IST1: variants seen among roughly 807,000 people sequenced by gnomAD.
IST1 encodes IST1 factor associated with ESCRT-III.
In IST1, 23 loss-of-function variants were observed where a neutral mutation model predicts 37.0. The ratio of observed to expected loss-of-function variants is 0.62; its 90% CI spans 0.45 to 0.88. The LOEUF (loss-of-function observed/expected upper bound fraction) is 0.88, where lower values mean the gene tolerates loss of function less well. Ranked by LOEUF, IST1 falls within the 40% of genes least tolerant of loss-of-function variation. IST1 has a pLI of 0.00. For missense variants in IST1, 488 were observed against 445.4 expected (o/e 1.10, Z -0.86); for synonymous variants, 180 against 161.7 (o/e 1.11, Z -0.86).
chr16:71,900,323 A>T (rs542085336), intron 1 of IST1, among the ~76,000 whole-genome samples: 1 of 141,466 alleles, frequency 7.1e-6, no homozygotes, highest in Non-Finnish European at 1.5e-5. Context: ...CTCCCTTAGG[A>T]AGTCTTTTTT....
rs891513683 is a variant in IST1, at chr16:71,930,214, C to A, written c.*2401C>A. The A allele has an allele frequency of 3.3e-6, 5 of 1,518,956 alleles. No homozygotes were observed. The African/African-American group carries it at 7.0e-5, about 21-fold the overall frequency. 94.1% of individuals were successfully genotyped at this position (1,518,956 alleles called of 1,614,324 possible). ...AAAACAATAAGAACACTTGCAGTGA[C>A]TGACAATTTAGTTTATACTTTACAA... On this transcript the variant is annotated 3_prime_UTR_variant, in exon 10 of 10. Coordinates refer to ENST00000378799, the MANE Select transcript of IST1 (RefSeq NM_001270975.2).
chr16:71,910,927 T>C (rs974607055), intron 1 of IST1, among the ~76,000 whole-genome samples: 2 of 152,124 alleles, frequency 1.3e-5, no homozygotes, highest in African/African-American at 4.8e-5. Context: ...CATTTATATA[T>C]GTGTATAAAG....
At chr16:71,913,155 T>C (rs926741553) in intron 1 of IST1, among the ~76,000 whole-genome samples, 1 of 152,240 alleles carries the variant, frequency 6.6e-6, no homozygotes, top group Non-Finnish European at 1.5e-5. Flanking sequence ...AGTTCCATTT[T>C]TAATTTTAAT....
chr16:71,912,599 A>AT (rs1194161307), intron 1 of IST1, among the ~76,000 whole-genome samples: 1 of 152,222 alleles, frequency 6.6e-6, no homozygotes, highest in Non-Finnish European at 1.5e-5. Flanking sequence ...AGAATTAAAA[A>AT]TTTAACTGTG....
At chr16:71,922,737 G>T in intron 7 of IST1, 57 bp downstream of exon 7, 1 of 1,427,066 alleles carries the variant, frequency 7.0e-7, no homozygotes, top group Non-Finnish European at 9.7e-7. Flanking sequence ...TAACAAGTTG[G>T]CTCTGTGAAC....
chr16:71,906,745 T>C (rs909208259), intron 1 of IST1, among the ~76,000 whole-genome samples: 27 of 152,220 alleles, frequency 1.8e-4, no homozygotes, highest in Admixed American at 2.0e-4. Flanking sequence ...TTCTTTTTTT[T>C]CAGCACTTTA....
intron 1 of IST1, among the ~76,000 whole-genome samples, chr16:71,910,058 TG>T (rs1319538627): frequency 1.3e-5 from 2 of 152,204 alleles, no homozygotes; most frequent in Non-Finnish European, 2.9e-5. Flanking sequence ...TAAAAGGCCT[TG>T]ATGTACAGCA....
At chr16:71,920,082 C>CT (rs1214627280) in intron 4 of IST1, among the ~76,000 whole-genome samples, 1 of 152,144 alleles carries the variant, frequency 6.6e-6, no homozygotes, top group Non-Finnish European at 1.5e-5. Flanking sequence ...ACAGTCTGGG[C>CT]TACACCCGTT....
chr16:71,926,172 C>T (rs1285607358), intron 9 of IST1, among the ~76,000 whole-genome samples: 9 of 151,152 alleles, frequency 6.0e-5, no homozygotes, highest in Non-Finnish European at 1.3e-4. Flanking sequence ...ATCCCAGCTA[C>T]TCGGGAAGCT....
At chr16:71,917,294 A>G (rs533964453) in intron 4 of IST1, among the ~76,000 whole-genome samples, 160 bp downstream of exon 4, 7 of 151,184 alleles carry the variant, frequency 4.6e-5, no homozygotes, top group Admixed American at 3.9e-4. Context: ...TCAGCCTTAT[A>G]TCGTAGAATA....
At chr16:71,895,027 T>C (rs1442985912), upstream of IST1, 4 of 519,730 alleles carry the variant, frequency 7.7e-6, no homozygotes, top group Admixed American at 6.9e-5. Flanking sequence ...TTAGAGCCCG[T>C]AGAGGGACAC....
In IST1 at chr16:71,929,958, T is replaced by G; in HGVS notation, c.*2145T>G. On this transcript the variant is annotated 3_prime_UTR_variant, in exon 10 of 10. Transcript: ENST00000378799. Reference sequence around the variant, plus strand: ...AATAAAGGGAATATGATACTGTGCATTATAAATTATGTCAGCCCGTCATCT... The same window carrying G: ...AATAAAGGGAATATGATACTGTGCAGTATAAATTATGTCAGCCCGTCATCT... 2.9e-6 allele frequency: 4 copies of G among 1,362,278 alleles called. No individual in the cohort carries two copies. The highest frequency in any genetic ancestry group is 3.9e-6 in the Non-Finnish European group (4 of 1,014,560). 84.4% of individuals were successfully genotyped at this position (1,362,278 alleles called of 1,614,324 possible). A position where few individuals can be genotyped will look rare whatever the true frequency, so the allele number is the denominator to read the frequency against.
intron 1 of IST1, among the ~76,000 whole-genome samples, chr16:71,904,449 G>A (rs561322320): frequency 1.6e-4 from 24 of 152,302 alleles, no homozygotes; most frequent in Non-Finnish European, 3.4e-4. Flanking sequence ...ATCTTGCTCT[G>A]TTGCCCAGTC....
At chr16:71,902,853 T>C (rs919854221) in intron 1 of IST1, among the ~76,000 whole-genome samples, 1 of 152,164 alleles carries the variant, frequency 6.6e-6, no homozygotes, top group African/African-American at 2.4e-5. Flanking sequence ...AGAATCAGCA[T>C]TTAGTTTCCT....
intron 1 of IST1, among the ~76,000 whole-genome samples, chr16:71,902,308 C>T (rs1291797615): frequency 1.3e-5 from 2 of 151,996 alleles, no homozygotes; most frequent in South Asian, 4.1e-4. Context: ...CTGGCTCTGT[C>T]ATCCAGGCTG....
chr16:71,916,781 G>T, intron 3 of IST1, 139 bp downstream of exon 3: 1 of 751,046 alleles, frequency 1.3e-6, no homozygotes, highest in Non-Finnish European at 2.1e-6. Context: ...CTGTTAAAAA[G>T]AAAATACAGA....
At chr16:71,899,450 C>T (rs1217200155) in intron 1 of IST1, among the ~76,000 whole-genome samples, 1 of 152,158 alleles carries the variant, frequency 6.6e-6, no homozygotes, top group African/African-American at 2.4e-5. Context: ...AGGAATTGGG[C>T]TGTATTATCT....
chr16:71,923,485 C>G (rs571687029), intron 8 of IST1, 105 bp downstream of exon 8: 4 of 633,044 alleles, frequency 6.3e-6, no homozygotes, highest in Admixed American at 2.8e-5. Flanking sequence ...ACTCCTAGTA[C>G]TGTCATCATT....
At chr16:71,914,262 G>A (rs1388758890) in intron 1 of IST1, among the ~76,000 whole-genome samples, 5 of 150,514 alleles carry the variant, frequency 3.3e-5, no homozygotes, top group Non-Finnish European at 7.4e-5. Flanking sequence ...GGGTTCAAGC[G>A]ATTCTCCTGT....
Sources: gnomAD v4.1 joint callset for allele counts (sites outside exome capture counted in the v4.1 genomes callset) on GRCh38, gnomAD v4.1.1 for gene constraint, MANE v1.5 for transcripts, NCBI Gene and HGNC (gene_info 2026-07-23, HGNC 2026-07-21) for gene names.